The following DOK5 variants were observed in gnomAD, a reference collection of about 807,000 sequenced individuals.
The protein encoded by DOK5 is docking protein 5.
In DOK5, 27 loss-of-function variants were observed where a neutral mutation model predicts 43.3. The observed-to-expected ratio is 0.62, with a 90% CI of 0.46 to 0.86. The LOEUF (loss-of-function observed/expected upper bound fraction) is 0.86, where lower values mean the gene tolerates loss of function less well. Among genes scored for constraint, DOK5 ranks in the 40% least tolerant of loss-of-function variants. DOK5 has a pLI of 0.00. For synonymous variants in DOK5, 146 were observed against 140.1 expected, an observed-to-expected ratio of 1.04 and a Z score of -0.30; for missense variants, 373 against 392.9, an observed-to-expected ratio of 0.95 and a Z score of 0.43.
At chr20:54,548,305 A>T (rs1344397180) in intron 1 of DOK5, among the ~76,000 whole-genome samples, 1 of 151,792 alleles carries the variant, frequency 6.6e-6, no homozygotes, top group Non-Finnish European at 1.5e-5. Flanking sequence ...CACAATCTTG[A>T]CTCACTGCAG....
At chr20:54,502,832 C>A (rs1982662889) in intron 1 of DOK5, among the ~76,000 whole-genome samples, 1 of 151,972 alleles carries the variant, frequency 6.6e-6, no homozygotes, top group South Asian at 2.1e-4. Flanking sequence ...ATTTTGAATT[C>A]TTGTTGATTA....
chr20:54,537,667 GT>G (rs1444775864), intron 1 of DOK5, among the ~76,000 whole-genome samples: 1 of 152,030 alleles, frequency 6.6e-6, no homozygotes, highest in Non-Finnish European at 1.5e-5. Flanking sequence ...AATCACAAGA[GT>G]TTCAGGGACC....
intron 5 of DOK5, among the ~76,000 whole-genome samples, chr20:54,600,946 C>A (rs1167619973): frequency 6.6e-6 from 1 of 152,184 alleles, no homozygotes; most frequent in Admixed American, 6.5e-5. Flanking sequence ...AGGCTAAAAC[C>A]AGTTACGGGG....
chr20:54,495,774 T>C (rs1263028031), intron 1 of DOK5, among the ~76,000 whole-genome samples: 2 of 151,948 alleles, frequency 1.3e-5, no homozygotes, highest in African/African-American at 2.4e-5. Flanking sequence ...TCCAGCTACT[T>C]GGGAGGCTGA....
intron 5 of DOK5, among the ~76,000 whole-genome samples, chr20:54,607,075 A>G (rs1404205369): frequency 1.3e-5 from 2 of 152,252 alleles, no homozygotes; most frequent in African/African-American, 4.8e-5. Flanking sequence ...TCTCTTAAAC[A>G]TAATAGAATG....
chr20:54,571,785 C>T (rs1172255893), intron 2 of DOK5, among the ~76,000 whole-genome samples: 2 of 152,304 alleles, frequency 1.3e-5, no homozygotes, highest in Middle Eastern at 3.4e-3. Flanking sequence ...CTGAGTGCAG[C>T]GTACCAGCCC....
chr20:54,640,827 C>A (rs987122670), intron 6 of DOK5, among the ~76,000 whole-genome samples: 3 of 152,164 alleles, frequency 2.0e-5, no homozygotes, highest in East Asian at 3.8e-4. Flanking sequence ...AATCAAATAA[C>A]CCCTACCTCT....
At chr20:54,582,073 A>G (rs1262129854) in intron 2 of DOK5, among the ~76,000 whole-genome samples, 3 of 151,860 alleles carry the variant, frequency 2.0e-5, no homozygotes, top group Admixed American at 2.0e-4. Flanking sequence ...GAGTGTTTTT[A>G]TCATGAAATG....
chr20:54,597,324 G>C (rs1986172256), intron 5 of DOK5, among the ~76,000 whole-genome samples: 1 of 152,096 alleles, frequency 6.6e-6, no homozygotes, highest in Non-Finnish European at 1.5e-5. Context: ...GGTGTTACTG[G>C]CATCTAGTGC....
chr20:54,644,478 G>A (rs992969916), intron 7 of DOK5, among the ~76,000 whole-genome samples: 1 of 151,996 alleles, frequency 6.6e-6, no homozygotes, highest in Non-Finnish European at 1.5e-5. Context: ...GCCGAGGCGG[G>A]CGGATCATGA....
intron 6 of DOK5, among the ~76,000 whole-genome samples, chr20:54,641,016 T>C (rs1262384330): frequency 1.3e-5 from 2 of 152,216 alleles, no homozygotes; most frequent in Non-Finnish European, 2.9e-5. Flanking sequence ...AATTTTTTTA[T>C]AGTATGTACA....
chr20:54,497,818 T>G (rs1338556007), intron 1 of DOK5, among the ~76,000 whole-genome samples: 1 of 152,198 alleles, frequency 6.6e-6, no homozygotes, highest in Admixed American at 6.5e-5. Context: ...TTGTATTTAT[T>G]TATCTGCTTA....
At chr20:54,633,232 A>C (rs969055355) in intron 6 of DOK5, among the ~76,000 whole-genome samples, 46 of 152,188 alleles carry the variant, frequency 3.0e-4, no homozygotes, top group African/African-American at 1.1e-3. Flanking sequence ...AGGGCCCAGA[A>C]AGCATAGGGA....
At chr20:54,531,990 T>C (rs1983789727) in intron 1 of DOK5, among the ~76,000 whole-genome samples, 1 of 152,188 alleles carries the variant, frequency 6.6e-6, no homozygotes, top group Non-Finnish European at 1.5e-5. Context: ...TCTCATGTAA[T>C]TGATTTATGC....
chr20:54,489,976 C>G (rs917705554), intron 1 of DOK5, among the ~76,000 whole-genome samples: 1 of 152,148 alleles, frequency 6.6e-6, no homozygotes, highest in African/African-American at 2.4e-5. Context: ...GGCCTGAGAG[C>G]CTTTTCAACG....
At chr20:54,638,752 C>CTT (rs11476340) in intron 6 of DOK5, among the ~76,000 whole-genome samples, 37 of 98,526 alleles carry the variant, frequency 3.8e-4, no homozygotes, top group Admixed American at 5.2e-4. Flanking sequence ...CTTTTCTTTT[C>CTT]TTTTTTTTTT....
chr20:54,562,103 T>A (rs766612742), intron 2 of DOK5, among the ~76,000 whole-genome samples: 10 of 152,260 alleles, frequency 6.6e-5, no homozygotes, highest in Non-Finnish European at 1.2e-4. Context: ...ACATGGTCAC[T>A]GTCCGTTGGA....
chr20:54,477,904 A>T (rs947846286), intron 1 of DOK5, among the ~76,000 whole-genome samples: 1 of 152,236 alleles, frequency 6.6e-6, no homozygotes, highest in African/African-American at 2.4e-5. Context: ...AGATTATTAC[A>T]ATTGACACAA....
At chr20:54,571,365 C>G (rs1022633745) in intron 2 of DOK5, among the ~76,000 whole-genome samples, 2 of 152,174 alleles carry the variant, frequency 1.3e-5, no homozygotes, top group Admixed American at 6.5e-5. Context: ...GCCAAGCCAG[C>G]TGGACAAGGC....
Sources: gnomAD v4.1 joint callset for allele counts (sites outside exome capture counted in the v4.1 genomes callset) on GRCh38, gnomAD v4.1.1 for gene constraint, MANE v1.5 for transcripts, NCBI Gene and HGNC (gene_info 2026-07-23, HGNC 2026-07-21) for gene names.